Variants in CDYL2 observed in about 807,000 individuals in gnomAD.
CDYL2 encodes the protein chromodomain Y like 2.
Under a neutral mutation model 49.4 loss-of-function variants are expected in CDYL2, and 23 were observed. The observed-to-expected ratio is 0.47, with a 90% CI of 0.34 to 0.66. CDYL2 has a LOEUF of 0.66. Among genes scored for constraint, CDYL2 ranks in the 30% least tolerant of loss-of-function variants. The probability of loss-of-function intolerance (pLI) is 0.01; values close to 1 mark genes in which losing one functional copy is unlikely to be tolerated. For synonymous variants in CDYL2, 360 were observed against 268.8 expected (o/e 1.34, Z -3.32); for missense variants, 678 against 656.4 (o/e 1.03, Z -0.36).
rs528442208 is a variant in CDYL2, at chr16:80,789,939, T to C, written c.24+14211A>G. ...AAAGAAGATGTGAGGGGGATGAGGG[T>C]TGAAAAATTACCTACTGGGTACAAT... is the stretch of plus-strand genomic sequence containing the variant. On this transcript the variant is annotated intron_variant, in intron 1 of 6. Transcript: ENST00000570137. Among the ~76,000 whole-genome samples, 7 of 151,076 alleles carry C rather than the reference T, an allele frequency of 4.6e-5. No individual in the cohort carries two copies. In the East Asian group the frequency reaches 7.8e-4, roughly 17 times the overall value.
intron 1 of CDYL2, among the ~76,000 whole-genome samples, chr16:80,766,167 C>A (rs543474455): frequency 1.3e-5 from 2 of 151,822 alleles, no homozygotes; most frequent in African/African-American, 4.8e-5. Flanking sequence ...TGTTCCAAAA[C>A]TGATTACGAT....
At chr16:80,755,194 C>T (rs1239487300) in intron 1 of CDYL2, among the ~76,000 whole-genome samples, 1 of 152,150 alleles carries the variant, frequency 6.6e-6, no homozygotes, top group Non-Finnish European at 1.5e-5. Context: ...GGTTACTCAG[C>T]AAATGTAAAT....
At chr16:80,795,845 G>C (rs1042769236) in intron 1 of CDYL2, among the ~76,000 whole-genome samples, 1 of 152,144 alleles carries the variant, frequency 6.6e-6, no homozygotes, top group Non-Finnish European at 1.5e-5. Context: ...GTGAGATGAT[G>C]TGAGCTACTG....
intron 2 of CDYL2, among the ~76,000 whole-genome samples, chr16:80,655,595 C>T (rs762830833): frequency 6.6e-6 from 1 of 152,170 alleles, no homozygotes; most frequent in Non-Finnish European, 1.5e-5. Flanking sequence ...GGCCCTGAGG[C>T]CATCTTACCA....
chr16:80,718,274 T>C (rs924256452), intron 1 of CDYL2, among the ~76,000 whole-genome samples: 37 of 152,222 alleles, frequency 2.4e-4, no homozygotes, highest in African/African-American at 8.7e-4. Context: ...AAAATCTTCA[T>C]TGTCAAAATC....
intron 1 of CDYL2, among the ~76,000 whole-genome samples, chr16:80,790,683 G>T (rs1048815856): frequency 1.3e-5 from 2 of 152,144 alleles, no homozygotes; most frequent in Non-Finnish European, 2.9e-5. Flanking sequence ...ACTTCCAACA[G>T]TTCACAGACG....
At chr16:80,742,777 G>C (rs1415632895) in intron 1 of CDYL2, among the ~76,000 whole-genome samples, 2 of 147,736 alleles carry the variant, frequency 1.4e-5, no homozygotes, top group Admixed American at 6.8e-5. Context: ...TTGATGGATA[G>C]ATGGGCAGAT....
intron 1 of CDYL2, among the ~76,000 whole-genome samples, chr16:80,728,637 C>T (rs923684351): frequency 6.6e-6 from 1 of 151,346 alleles, no homozygotes; most frequent in African/African-American, 2.4e-5. Context: ...CTCCAAGACA[C>T]ATAATTGTCA....
rs531299049 is a variant in CDYL2, at chr16:80,752,244, G to A, written c.24+51906C>T. 8.2e-4 allele frequency among the ~76,000 whole-genome samples: 125 copies of A among 152,098 alleles called. 1 individual carries two copies. Among genetic ancestry groups the A allele is most frequent in the African/African-American group, 2.8e-3 (118 of 41,500 alleles). ...AAGACAACATCCAGACAGCAACAAG[G>A]AGAAAACCGCAGATAAATATGAAAA... On this transcript the variant is annotated intron_variant, in intron 1 of 6. Transcript: ENST00000570137.
intron 2 of CDYL2, among the ~76,000 whole-genome samples, chr16:80,668,615 A>T (rs1207180214): frequency 4.6e-5 from 7 of 152,106 alleles, no homozygotes; most frequent in Non-Finnish European, 1.0e-4. Flanking sequence ...GAGAATATGG[A>T]GACTTTAATT....
intron 2 of CDYL2, among the ~76,000 whole-genome samples, chr16:80,650,742 G>C: frequency 6.6e-6 from 1 of 152,060 alleles, no homozygotes; most frequent in East Asian, 1.9e-4. Flanking sequence ...CAGACAAATG[G>C]ATAAAGAAAA....
chr16:80,702,183 AACAC>A (rs35071485), intron 1 of CDYL2, among the ~76,000 whole-genome samples: 2,543 of 142,822 alleles, frequency 0.018, 42 homozygotes, highest in Non-Finnish European at 0.025. Flanking sequence ...GAAGGCCTAA[AACAC>A]ACACACACAC....
intron 1 of CDYL2, among the ~76,000 whole-genome samples, chr16:80,701,165 C>T (rs1469154946): frequency 1.3e-5 from 2 of 152,216 alleles, no homozygotes; most frequent in Non-Finnish European, 2.9e-5. Flanking sequence ...TAAACAGGGA[C>T]TCTATCAAAG....
chr16:80,648,555 G>T (rs535909283), intron 2 of CDYL2, among the ~76,000 whole-genome samples: 28 of 152,004 alleles, frequency 1.8e-4, no homozygotes, highest in African/African-American at 6.5e-4. Flanking sequence ...CTTCACTGTT[G>T]AATTCTACCA....
At chr16:80,663,405 T>C (rs1191571776) in intron 2 of CDYL2, among the ~76,000 whole-genome samples, 1 of 151,398 alleles carries the variant, frequency 6.6e-6, no homozygotes, top group African/African-American at 2.4e-5. Context: ...ATAGCAGGGC[T>C]CAAATTCACA....
chr16:80,692,043 T>C (rs963380895), intron 1 of CDYL2, among the ~76,000 whole-genome samples: 2 of 151,484 alleles, frequency 1.3e-5, no homozygotes, highest in African/African-American at 4.9e-5. Flanking sequence ...CTAAGGAAAA[T>C]GAGAATAGAT....
chr16:80,782,847 C>T (rs902363211), intron 1 of CDYL2, among the ~76,000 whole-genome samples: 1 of 152,074 alleles, frequency 6.6e-6, no homozygotes, highest in African/African-American at 2.4e-5. Flanking sequence ...AAATGAAACT[C>T]TCTTAACATC....
chr16:80,749,486 G>C (rs1196339033), intron 1 of CDYL2, among the ~76,000 whole-genome samples: 2 of 151,956 alleles, frequency 1.3e-5, no homozygotes, highest in Non-Finnish European at 2.9e-5. Context: ...TATTTAGTCT[G>C]TCCAGAAAAC....
intron 2 of CDYL2, among the ~76,000 whole-genome samples, chr16:80,645,874 C>T (rs967440929): frequency 1.3e-5 from 2 of 151,214 alleles, no homozygotes; most frequent in African/African-American, 4.9e-5. Context: ...TCTCAGCAAA[C>T]TATCTCAAGG....
Sources: gnomAD v4.1 joint callset for allele counts (sites outside exome capture counted in the v4.1 genomes callset) on GRCh38, gnomAD v4.1.1 for gene constraint, MANE v1.5 for transcripts, NCBI Gene and HGNC (gene_info 2026-07-23, HGNC 2026-07-21) for gene names.